CDH12: variants seen among roughly 807,000 people sequenced by gnomAD.
CDH12 encodes cadherin 12.
CDH12 carries 41 observed loss-of-function variants against 74.1 expected under a neutral mutation model. That is an observed-to-expected ratio of 0.55 (90% CI 0.43 to 0.72). The LOEUF is 0.72. CDH12 is among the 30% of genes least tolerant of loss of function. The pLI is 0.00. For synonymous variants in CDH12, 399 were observed against 355.0 expected (o/e 1.12, Z -1.39); for missense variants, 945 against 977.2 (o/e 0.97, Z 0.44).
intron 4 of CDH12, among the ~76,000 whole-genome samples, chr5:22,198,677 A>G (rs186456421): frequency 6.2e-4 from 94 of 152,272 alleles, no homozygotes; most frequent in Middle Eastern, 6.8e-3. Context: ...TGATTTATGC[A>G]CAAAACTCAA....
chr5:21,766,027 A>G lies in CDH12; in HGVS notation c.1394-928T>C, dbSNP rs142641976. The stretch of plus-strand genomic sequence containing the variant: ...TTATAAAAATCTAAAGACCATGTTT[A>G]TTCCATCATACCTTCTCCATTGATT... On this transcript the variant is annotated intron_variant, in intron 11 of 14. Coordinates refer to ENST00000382254, the MANE Select transcript of CDH12 (RefSeq NM_004061.5). 2.6e-3 allele frequency among the ~76,000 whole-genome samples: 396 copies of G among 152,118 alleles called. 6 individuals carry two copies. Among genetic ancestry groups the G allele is most frequent in the Non-Finnish European group, 2.9e-3 (195 of 67,882 alleles).
At chr5:22,785,328 G>A (rs1391207934) in intron 1 of CDH12, among the ~76,000 whole-genome samples, 1 of 152,114 alleles carries the variant, frequency 6.6e-6, no homozygotes, top group Non-Finnish European at 1.5e-5. Flanking sequence ...AGTATGATAA[G>A]TTGTGTACAT....
intron 2 of CDH12, among the ~76,000 whole-genome samples, chr5:22,462,384 C>T (rs1299411440): frequency 6.6e-6 from 1 of 152,004 alleles, no homozygotes; most frequent in African/African-American, 2.4e-5. Context: ...AAGGCTAGAC[C>T]CCACCTTTTA....
At chr5:22,812,871 T>A (rs114761130) in intron 1 of CDH12, among the ~76,000 whole-genome samples, 5,032 of 152,226 alleles carry the variant, frequency 0.033, 107 homozygotes, top group Non-Finnish European at 0.044. Flanking sequence ...AAATACAGCA[T>A]AATGACCACT....
intron 3 of CDH12, among the ~76,000 whole-genome samples, chr5:22,267,006 C>T (rs1351365109): frequency 6.6e-6 from 1 of 152,006 alleles, no homozygotes; most frequent in Non-Finnish European, 1.5e-5. Context: ...AAAACAAAAC[C>T]CTTTCCAATT....
chr5:22,004,035 G>A (rs985562192), intron 5 of CDH12, among the ~76,000 whole-genome samples: 5 of 152,030 alleles, frequency 3.3e-5, no homozygotes, highest in Admixed American at 2.0e-4. Context: ...AAGAACAGGA[G>A]GGTCTGATGC....
At chr5:22,244,288 G>A (rs112437077) in intron 3 of CDH12, among the ~76,000 whole-genome samples, 13,796 of 151,810 alleles carry the variant, frequency 0.091, 653 homozygotes, top group South Asian at 0.15. Context: ...TCAGGAGTTC[G>A]AGCCCAGTCT....
chr5:22,330,732 A>G (rs889407503), intron 3 of CDH12, among the ~76,000 whole-genome samples: 2 of 145,618 alleles, frequency 1.4e-5, no homozygotes, highest in African/African-American at 5.2e-5. Context: ...GCCTGACAAC[A>G]GAGCGAGACT....
chr5:22,743,927 C>G (rs1458126423), intron 1 of CDH12, among the ~76,000 whole-genome samples: 2 of 151,644 alleles, frequency 1.3e-5, no homozygotes, highest in African/African-American at 4.8e-5. Flanking sequence ...AGTCAGGTTT[C>G]TACTGTTGGG....
intron 4 of CDH12, among the ~76,000 whole-genome samples, chr5:22,102,627 A>G (rs1744199678): frequency 6.6e-6 from 1 of 152,094 alleles, no homozygotes; most frequent in Non-Finnish European, 1.5e-5. Flanking sequence ...GCGTCACTGC[A>G]TTCCAGCCTG....
At chr5:22,047,789 T>C (rs939489465) in intron 5 of CDH12, among the ~76,000 whole-genome samples, 1 of 152,110 alleles carries the variant, frequency 6.6e-6, no homozygotes, top group African/African-American at 2.4e-5. Context: ...CTAAAATTAC[T>C]CTTATCATTT....
intron 6 of CDH12, among the ~76,000 whole-genome samples, chr5:21,939,277 A>T (rs1755220151): frequency 6.6e-6 from 1 of 151,710 alleles, no homozygotes; most frequent in Admixed American, 6.6e-5. Flanking sequence ...GAGTAGGAAA[A>T]AATAGTTGCA....
At chr5:22,293,727 G>A (rs984613064) in intron 3 of CDH12, among the ~76,000 whole-genome samples, 2 of 152,130 alleles carry the variant, frequency 1.3e-5, no homozygotes, top group African/African-American at 4.8e-5. Flanking sequence ...TATTTTAAGT[G>A]CAATAAGCCA....
At chr5:22,550,564 A>G (rs573127932) in intron 1 of CDH12, among the ~76,000 whole-genome samples, 2 of 152,274 alleles carry the variant, frequency 1.3e-5, no homozygotes, top group East Asian at 3.9e-4. Context: ...TTCTAACACC[A>G]AAGTGTCTCC....
chr5:21,809,600 A>G (rs1747635277), intron 9 of CDH12, among the ~76,000 whole-genome samples: 1 of 152,164 alleles, frequency 6.6e-6, no homozygotes, highest in Admixed American at 6.6e-5. Context: ...AGTAAAACAT[A>G]TTTTTCTAAA....
intron 6 of CDH12, among the ~76,000 whole-genome samples, chr5:21,918,439 C>T (rs1281306101): frequency 6.6e-6 from 1 of 151,906 alleles, no homozygotes; most frequent in African/African-American, 2.4e-5. Flanking sequence ...TAAAGACATA[C>T]CCGAGGCTGG....
intron 4 of CDH12, among the ~76,000 whole-genome samples, chr5:22,121,232 T>G (rs776699181): frequency 1.3e-5 from 2 of 152,192 alleles, no homozygotes; most frequent in African/African-American, 2.4e-5. Context: ...CAGATTCTCA[T>G]TTCAAGGATG....
chr5:22,284,914 A>C (rs1478457769), intron 3 of CDH12, among the ~76,000 whole-genome samples: 1 of 148,788 alleles, frequency 6.7e-6, no homozygotes, highest in Non-Finnish European at 1.5e-5. Flanking sequence ...GAGATGAAAG[A>C]ATAAAGGCAA....
chr5:22,204,847 C>G (rs1013952593), intron 4 of CDH12, among the ~76,000 whole-genome samples: 3 of 152,140 alleles, frequency 2.0e-5, no homozygotes, highest in African/African-American at 7.2e-5. Flanking sequence ...CTCTTGGCCT[C>G]TCTGTTTAAG....
Sources: allele counts gnomAD v4.1 joint callset (sites outside exome capture counted in the v4.1 genomes callset), GRCh38; gene constraint gnomAD v4.1.1; transcripts MANE v1.5; gene names NCBI Gene and HGNC (gene_info 2026-07-23, HGNC 2026-07-21).